The following SPATA17 variants were observed in gnomAD, a reference collection of about 807,000 sequenced individuals.
SPATA17 encodes spermatogenesis-associated protein 17.
A neutral mutation model predicts 62.2 loss-of-function variants in SPATA17; 53 were observed. The ratio of observed to expected loss-of-function variants is 0.85; its 90% CI spans 0.68 to 1.07. The LOEUF is 1.07. Ranked by LOEUF, SPATA17 falls within the 50% of genes least tolerant of loss-of-function variation. SPATA17 has a pLI of 0.00. For missense variants in SPATA17, 466 were observed against 425.5 expected, an observed-to-expected ratio of 1.10 and a Z score of -0.84; for synonymous variants, 146 against 146.8, an observed-to-expected ratio of 0.99 and a Z score of 0.04.
chr1:217,780,923 ACT>A (rs1673714065), intron 7 of SPATA17, among the ~76,000 whole-genome samples: 2 of 151,974 alleles, frequency 1.3e-5, no homozygotes, highest in Non-Finnish European at 2.9e-5. Context: ...TAAGTCATAG[ACT>A]CTGTCAAAGT....
intron 9 of SPATA17, among the ~76,000 whole-genome samples, chr1:217,825,973 T>G (rs1054265507): frequency 2.6e-5 from 4 of 152,152 alleles, no homozygotes; most frequent in African/African-American, 9.6e-5. Flanking sequence ...AAAGCTCTTA[T>G]TTATTTTCTA....
intron 8 of SPATA17, among the ~76,000 whole-genome samples, chr1:217,792,821 G>C (rs1045803793): frequency 6.6e-6 from 1 of 152,134 alleles, no homozygotes; most frequent in Non-Finnish European, 1.5e-5. Context: ...AATCTCCTCA[G>C]ATTGAGGAGA....
At chr1:217,712,925 G>A (rs7538459) in intron 5 of SPATA17, among the ~76,000 whole-genome samples, 15 of 152,176 alleles carry the variant, frequency 9.9e-5, no homozygotes, top group East Asian at 5.8e-4. Flanking sequence ...GAGCCAAGAC[G>A]TTCACTCCCC....
At chr1:217,737,827 CTT>C (rs35634441) in intron 5 of SPATA17, 23 of 138,246 alleles carry the variant, frequency 1.7e-4, no homozygotes, top group Admixed American at 3.7e-4. Flanking sequence ...TGCTTGTTGT[CTT>C]TTTTTTTTTT....
chr1:217,813,951 T>C (rs1196316724), intron 9 of SPATA17, among the ~76,000 whole-genome samples: 2 of 152,010 alleles, frequency 1.3e-5, no homozygotes, highest in African/African-American at 4.8e-5. Context: ...TATTAAGATA[T>C]ATATATTTAT....
chr1:217,849,093 T>G (rs1675589852), intron 9 of SPATA17, among the ~76,000 whole-genome samples: 2 of 152,224 alleles, frequency 1.3e-5, no homozygotes, highest in Non-Finnish European at 1.5e-5. Flanking sequence ...TTCTGCTTTT[T>G]GCATCATCTC....
intron 9 of SPATA17, among the ~76,000 whole-genome samples, chr1:217,818,209 G>C (rs996736223): frequency 2.6e-5 from 4 of 151,848 alleles, no homozygotes; most frequent in African/African-American, 7.3e-5. Context: ...CAGAAAGTAA[G>C]TTTGCACTTG....
intron 6 of SPATA17, among the ~76,000 whole-genome samples, chr1:217,745,751 G>A (rs189874935): frequency 2.0e-4 from 30 of 152,020 alleles, no homozygotes; most frequent in African/African-American, 6.3e-4. Flanking sequence ...CACAAAAAGC[G>A]CTGAGCCTAA....
chr1:217,786,391 G>A (rs1275216071), intron 8 of SPATA17, among the ~76,000 whole-genome samples: 1 of 152,090 alleles, frequency 6.6e-6, no homozygotes, highest in Non-Finnish European at 1.5e-5. Context: ...TTTGATAGAG[G>A]AAAGAAGAAA....
At chr1:217,754,498 A>G (rs1672994536) in intron 6 of SPATA17, among the ~76,000 whole-genome samples, 2 of 151,936 alleles carry the variant, frequency 1.3e-5, no homozygotes, top group Non-Finnish European at 2.9e-5. Context: ...TATTATGGCT[A>G]TTTTTCTATT....
intron 6 of SPATA17, among the ~76,000 whole-genome samples, chr1:217,771,010 C>CTTTTTTTTTTTTT (rs1673431947): frequency 1.2e-4 from 1 of 8,318 alleles, no homozygotes; most frequent in African/African-American, 3.8e-4. Flanking sequence ...TTTTTTTTTG[C>CTTTTTTTTTTTTT]CTTTTGACGA....
rs1676103316 is a variant in SPATA17 at position 217,870,201 on chromosome 1, A to T, written c.*3182A>T. The stretch of plus-strand genomic sequence containing the variant: ...TGAATGGCCTTCATTGATTTTGTAG[A>T]CCCTGACCTTCTCTGTTCTTCCAGA... On this transcript the variant is annotated 3_prime_UTR_variant, in exon 11 of 11. Transcript: ENST00000366933. 1 of 152,140 alleles carries T rather than the reference A, an allele frequency of 6.6e-6. No homozygotes were observed. The highest frequency in any genetic ancestry group is 1.5e-5 in the Non-Finnish European group (1 of 68,030). The allele number at this position is 152,140 out of a possible 1,614,324, so 9.4% of individuals were successfully genotyped here.
intron 8 of SPATA17, chr1:217,785,179 T>C (rs1673830501): frequency 6.6e-6 from 1 of 152,254 alleles, no homozygotes; most frequent in Non-Finnish European, 1.5e-5. Flanking sequence ...TTTTCTTTGC[T>C]ATAGGGACAC....
intron 6 of SPATA17, among the ~76,000 whole-genome samples, chr1:217,773,265 T>A (rs961019536): frequency 6.6e-6 from 1 of 152,196 alleles, no homozygotes; most frequent in Admixed American, 6.5e-5. Flanking sequence ...GATATGTTGA[T>A]GGCATAAGAG....
chr1:217,703,004 G>A (rs976148181), intron 5 of SPATA17, among the ~76,000 whole-genome samples: 3 of 151,118 alleles, frequency 2.0e-5, no homozygotes, highest in African/African-American at 7.3e-5. Flanking sequence ...AGCCTCCTGA[G>A]TAGCTAGTAT....
At chr1:217,792,965 T>C (rs976142341) in intron 8 of SPATA17, among the ~76,000 whole-genome samples, 1 of 152,344 alleles carries the variant, frequency 6.6e-6, no homozygotes, top group South Asian at 2.1e-4. Flanking sequence ...ATGGAGGATT[T>C]GGATATGAGT....
chr1:217,705,430 CTTTTTTTTTTT>C (rs58138326), intron 5 of SPATA17, among the ~76,000 whole-genome samples: 17 of 46,628 alleles, frequency 3.6e-4, no homozygotes, highest in Admixed American at 1.5e-3. Flanking sequence ...TTCTAGTTGT[CTTTTTTTTTTT>C]TTTTTTTTTT....
At chr1:217,778,378 G>T (rs537775578) in intron 7 of SPATA17, among the ~76,000 whole-genome samples, 111 of 152,028 alleles carry the variant, frequency 7.3e-4, no homozygotes, top group African/African-American at 2.7e-3. Flanking sequence ...AAAATTAGCC[G>T]GGCATGGTGG....
At chr1:217,684,903 T>C (rs1473178720) in intron 5 of SPATA17, among the ~76,000 whole-genome samples, 1 of 152,196 alleles carries the variant, frequency 6.6e-6, no homozygotes, top group Non-Finnish European at 1.5e-5. Context: ...GGATTACCTA[T>C]AGAGAAATTT....
Sources: gnomAD v4.1 joint callset for allele counts (sites outside exome capture counted in the v4.1 genomes callset) on GRCh38, gnomAD v4.1.1 for gene constraint, MANE v1.5 for transcripts, NCBI Gene and HGNC (gene_info 2026-07-23, HGNC 2026-07-21) for gene names.